ABCB1: variants seen among roughly 807,000 people sequenced by gnomAD.
The protein encoded by ABCB1 is ATP-dependent translocase ABCB1.
In ABCB1, 69 loss-of-function variants were observed where a neutral mutation model predicts 142.0. That is an observed-to-expected ratio of 0.49 (90% CI 0.40 to 0.59). ABCB1 has a LOEUF of 0.59. Among genes scored for constraint, ABCB1 ranks in the 20% least tolerant of loss-of-function variants. ABCB1 has a pLI of 0.00. For synonymous variants in ABCB1, 532 were observed against 539.2 expected (o/e 0.99, Z 0.18); for missense variants, 1,326 against 1,554.7 (o/e 0.85, Z 2.47).
intron 1 of ABCB1, among the ~76,000 whole-genome samples, chr7:87,668,029 T>G (rs1825440657): frequency 6.6e-6 from 1 of 152,072 alleles, no homozygotes; most frequent in Non-Finnish European, 1.5e-5. Context: ...TCCCTCTTCC[T>G]CATTTTTTTG....
chr7:87,523,296 T>A (rs1427172210), intron 21 of ABCB1, among the ~76,000 whole-genome samples: 1 of 152,088 alleles, frequency 6.6e-6, no homozygotes, highest in Admixed American at 6.6e-5. Flanking sequence ...TTTTTTTAAT[T>A]TTTTAAGGAA....
chr7:87,648,773 T>C (rs965793134), intron 1 of ABCB1, among the ~76,000 whole-genome samples: 1 of 152,186 alleles, frequency 6.6e-6, no homozygotes, highest in Non-Finnish European at 1.5e-5. Flanking sequence ...ACAGGAAAAT[T>C]ATAATTTTTA....
intron 4 of ABCB1, among the ~76,000 whole-genome samples, chr7:87,574,253 C>A (rs190327031): frequency 6.6e-6 from 1 of 151,186 alleles, no homozygotes; most frequent in Non-Finnish European, 1.5e-5. Flanking sequence ...GAGAGGAGGA[C>A]GAGAGAGCTT....
In ABCB1 at chr7:87,585,526, T is replaced by C. The variant is rs751592416; in HGVS notation, c.272A>G (p.Asn91Ser). 6.2e-7 allele frequency: 1 copy of C among 1,613,746 alleles called. No individual in the cohort carries two copies. The highest frequency in any genetic ancestry group is 8.5e-7 in the Non-Finnish European group (1 of 1,179,834). The change falls in exon 4 of 28, where the codon AAC (asparagine) becomes AGC (serine). Residue 91 changes from asparagine (N) to serine (S), a missense_variant. By Grantham distance (46) the Asn-to-Ser change is conservative. Coordinates refer to ENST00000622132, the MANE Select transcript of ABCB1 (RefSeq NM_001348946.2). ...ACAATACTTACTTCTATTAGTGATG[T>C]TTGACATCAGATCTTCTAAATTTCC... Reference protein sequence around the residue: ...NAGNLEDLMSNITNRSDINDT... With the variant: ...NAGNLEDLMSSITNRSDINDT...
At chr7:87,710,549 A>T in intron 1 of ABCB1, 1 of 1,421,652 alleles carries the variant, frequency 7.0e-7, no homozygotes, top group Non-Finnish European at 9.7e-7. Context: ...TTTATATTTG[A>T]TTCTTTCTTC....
chr7:87,589,906 G>C (rs1818927910), intron 3 of ABCB1, among the ~76,000 whole-genome samples: 1 of 151,768 alleles, frequency 6.6e-6, no homozygotes, highest in Non-Finnish European at 1.5e-5. Flanking sequence ...TGAAAGGAAA[G>C]AGAGAGAAGG....
intron 1 of ABCB1, among the ~76,000 whole-genome samples, chr7:87,626,252 TATATATGTGTC>T (rs1467266353): frequency 1.2e-5 from 1 of 86,270 alleles, no homozygotes. Context: ...ATATATGTCA[TATATATGTGTC>T]ATATATGTGT....
At chr7:87,577,528 T>G (rs1015968910) in intron 4 of ABCB1, among the ~76,000 whole-genome samples, 1 of 152,234 alleles carries the variant, frequency 6.6e-6, no homozygotes, top group Admixed American at 6.5e-5. Context: ...TTCTCAAAAA[T>G]GTACAAGTTG....
intron 1 of ABCB1, among the ~76,000 whole-genome samples, chr7:87,637,356 ATAAGT>A (rs533553636): frequency 5.5e-4 from 84 of 152,234 alleles, no homozygotes; most frequent in Non-Finnish European, 9.7e-4. Context: ...GTGTGGTAAT[ATAAGT>A]TATCTAGCTT....
chr7:87,568,424 A>G (rs931321887), intron 5 of ABCB1, among the ~76,000 whole-genome samples: 1 of 151,830 alleles, frequency 6.6e-6, no homozygotes, highest in Non-Finnish European at 1.5e-5. Flanking sequence ...AAAAAAAAAA[A>G]ATGCAAACAA....
chr7:87,565,217 T>G (rs1188035482), intron 7 of ABCB1, among the ~76,000 whole-genome samples: 1 of 152,250 alleles, frequency 6.6e-6, no homozygotes, highest in East Asian at 1.9e-4. Flanking sequence ...CTACCTGACT[T>G]ATTTTGTGTG....
Position 87,655,343 on chromosome 7 carries a change from G to A in ABCB1, c.-330-54265C>T, listed in dbSNP as rs190769218. On this transcript the variant is annotated intron_variant, in intron 1 of 28. Transcript: ENST00000265724. Reference sequence around the variant, plus strand: ...CTAATTGTCCATCTACTGATGAGTCGATAAAAAAAAAGTTGCGTATATAAA... The same window carrying A: ...CTAATTGTCCATCTACTGATGAGTCAATAAAAAAAAAGTTGCGTATATAAA... Among the ~76,000 whole-genome samples, 546 of 151,804 alleles carry A rather than the reference G, an allele frequency of 3.6e-3. 4 individuals carry two copies. The highest frequency in any genetic ancestry group is 4.5e-3 in the Non-Finnish European group (304 of 67,892).
chr7:87,632,402 T>A (rs1344634386), intron 1 of ABCB1, among the ~76,000 whole-genome samples: 1 of 152,214 alleles, frequency 6.6e-6, no homozygotes, highest in East Asian at 1.9e-4. Context: ...TAGTTTTTTT[T>A]AGTGAACATT....
chr7:87,578,315 T>C (rs1818357449), intron 4 of ABCB1, among the ~76,000 whole-genome samples: 1 of 152,212 alleles, frequency 6.6e-6, no homozygotes, highest in Non-Finnish European at 1.5e-5. Flanking sequence ...TTTTGGTTAC[T>C]AGCTCTGTAG....
chr7:87,625,709 A>G (rs1820392320), intron 1 of ABCB1, among the ~76,000 whole-genome samples: 1 of 152,096 alleles, frequency 6.6e-6, no homozygotes, highest in South Asian at 2.1e-4. Flanking sequence ...AAGAAGAGAC[A>G]AGTTAAGTTG....
chr7:87,644,016 A>G (rs887819123), intron 1 of ABCB1, among the ~76,000 whole-genome samples: 2 of 151,984 alleles, frequency 1.3e-5, no homozygotes, highest in Non-Finnish European at 2.9e-5. Context: ...GTGCCACCAT[A>G]CCTGGATAAT....
chr7:87,571,733 G>A (rs1267642807), intron 4 of ABCB1, among the ~76,000 whole-genome samples: 1 of 152,158 alleles, frequency 6.6e-6, no homozygotes, highest in East Asian at 1.9e-4. Flanking sequence ...GCAGTGCCTG[G>A]CACATTCAAT....
chr7:87,647,483 A>C (rs569542796), intron 1 of ABCB1, among the ~76,000 whole-genome samples: 16 of 152,296 alleles, frequency 1.1e-4, no homozygotes, highest in African/African-American at 3.8e-4. Flanking sequence ...ACATGTAAAC[A>C]TTGCTACATT....
Position 87,553,760 on chromosome 7 carries a change from C to T in ABCB1, c.999+1G>A. ...TTCATTTCTCAATGTAAACCACTTA[C>T]AGTGAGTACTTGTCCAATAGAATAT... On this transcript the variant is annotated splice_donor_variant, in intron 9 of 27. Coordinates refer to ENST00000622132, the MANE Select transcript of ABCB1 (RefSeq NM_001348946.2). LOFTEE classifies it high-confidence loss of function. 6 of 1,613,688 alleles carry T rather than the reference C, an allele frequency of 3.7e-6. No homozygotes were observed. Among genetic ancestry groups the T allele is most frequent in the Non-Finnish European group, 5.1e-6 (6 of 1,179,606 alleles).
Sources: gnomAD v4.1 joint callset for allele counts (sites outside exome capture counted in the v4.1 genomes callset) on GRCh38, gnomAD v4.1.1 for gene constraint, MANE v1.5 for transcripts, NCBI Gene and HGNC (gene_info 2026-07-23, HGNC 2026-07-21) for gene names.